FHIP1A: variants seen among roughly 807,000 people sequenced by gnomAD.
The protein encoded by FHIP1A is FHF complex subunit HOOK interacting protein 1A.
Under a neutral mutation model 88.6 loss-of-function variants are expected in FHIP1A, and 61 were observed. The observed-to-expected ratio is 0.69, with a 90% CI of 0.56 to 0.85. FHIP1A has a LOEUF of 0.85. Among genes scored for constraint, FHIP1A ranks in the 40% least tolerant of loss-of-function variants. The pLI, the probability that FHIP1A is intolerant of heterozygous loss-of-function variation, is 0.00. For synonymous variants in FHIP1A, 478 were observed against 496.0 expected, an observed-to-expected ratio of 0.96 and a Z score of 0.48; for missense variants, 1,154 against 1,273.5, an observed-to-expected ratio of 0.91 and a Z score of 1.43.
intron 3 of FHIP1A, among the ~76,000 whole-genome samples, chr4:151,495,860 T>G (rs1730443218): frequency 6.6e-6 from 1 of 152,150 alleles, no homozygotes; most frequent in African/African-American, 2.4e-5. Context: ...TGACCTCAGA[T>G]GATCCTCCCG....
At chr4:151,593,190 G>A (rs1227313638) in intron 7 of FHIP1A, among the ~76,000 whole-genome samples, 1 of 152,194 alleles carries the variant, frequency 6.6e-6, no homozygotes, top group East Asian at 1.9e-4. Context: ...TTGAAGTCAG[G>A]TAGTGTGATG....
At chr4:151,456,886 T>C (rs906943112) in intron 2 of FHIP1A, among the ~76,000 whole-genome samples, 4 of 152,114 alleles carry the variant, frequency 2.6e-5, no homozygotes, top group Non-Finnish European at 5.9e-5. Flanking sequence ...CCTTTTACTT[T>C]GCAGTTATTT....
At chr4:151,455,939 G>A (rs564773563) in intron 2 of FHIP1A, among the ~76,000 whole-genome samples, 1 of 152,282 alleles carries the variant, frequency 6.6e-6, no homozygotes, top group Admixed American at 6.5e-5. Context: ...GAAGCACTGA[G>A]CCCTAGAGAA....
At chr4:151,562,371 C>T (rs1175240259) in intron 3 of FHIP1A, among the ~76,000 whole-genome samples, 1 of 152,116 alleles carries the variant, frequency 6.6e-6, no homozygotes, top group Non-Finnish European at 1.5e-5. Flanking sequence ...CTTGGCTTTG[C>T]CTCCCTTTTA....
intron 2 of FHIP1A, among the ~76,000 whole-genome samples, chr4:151,470,271 TTATGTC>T (rs1219465532): frequency 6.6e-6 from 1 of 152,216 alleles, no homozygotes; most frequent in Non-Finnish European, 1.5e-5. Context: ...TGCAAATGTG[TTATGTC>T]TATGATTTAG....
chr4:151,467,206 C>T (rs963931856), intron 2 of FHIP1A, among the ~76,000 whole-genome samples: 3 of 151,958 alleles, frequency 2.0e-5, no homozygotes, highest in South Asian at 2.1e-4. Context: ...TTTATGTGGC[C>T]GAGAAGCATA....
chr4:151,553,599 C>G (rs1416315227), intron 3 of FHIP1A, among the ~76,000 whole-genome samples: 2 of 152,112 alleles, frequency 1.3e-5, no homozygotes, highest in Non-Finnish European at 2.9e-5. Context: ...ATTTGTATAG[C>G]TAGACTTGAC....
chr4:151,423,774 A>G (rs1027181013), intron 1 of FHIP1A, among the ~76,000 whole-genome samples: 1 of 152,208 alleles, frequency 6.6e-6, no homozygotes, highest in Non-Finnish European at 1.5e-5. Context: ...AAAGCCACAA[A>G]AGGTAGTGAC....
chr4:151,648,970 C>T (rs889455288), intron 10 of FHIP1A, among the ~76,000 whole-genome samples: 1 of 152,012 alleles, frequency 6.6e-6, no homozygotes, highest in Non-Finnish European at 1.5e-5. Context: ...CTGATAGTCC[C>T]CAGGAAGACA....
chr4:151,619,153 G>A (rs2126860720), intron 7 of FHIP1A, among the ~76,000 whole-genome samples: 1 of 152,332 alleles, frequency 6.6e-6, no homozygotes, highest in South Asian at 2.1e-4. Flanking sequence ...CTTGCTTTAT[G>A]TTGTAGACTT....
chr4:151,578,155 C>A, intron 5 of FHIP1A, 79 bp downstream of exon 5: 1 of 1,296,770 alleles, frequency 7.7e-7, no homozygotes. Flanking sequence ...CTTTCTTACT[C>A]CCTTTTTTTC....
At chr4:151,645,391 G>A (rs1578856639) in intron 9 of FHIP1A, among the ~76,000 whole-genome samples, 1 of 152,136 alleles carries the variant, frequency 6.6e-6, no homozygotes, top group South Asian at 2.1e-4. Flanking sequence ...GGCTCTTGCA[G>A]TGGATCAGTT....
chr4:151,640,609 G>A (rs1736551814), intron 9 of FHIP1A, among the ~76,000 whole-genome samples: 3 of 152,180 alleles, frequency 2.0e-5, no homozygotes, highest in African/African-American at 7.2e-5. Context: ...AGTGGGTAAA[G>A]CCTGATGGTA....
chr4:151,506,233 G>A (rs192382643), intron 3 of FHIP1A, among the ~76,000 whole-genome samples: 17 of 152,244 alleles, frequency 1.1e-4, no homozygotes, highest in East Asian at 9.7e-4. Flanking sequence ...AATTGACCTC[G>A]GTGGTGAGTA....
chr4:151,522,195 C>G (rs1186812792), intron 3 of FHIP1A, among the ~76,000 whole-genome samples: 1 of 152,202 alleles, frequency 6.6e-6, no homozygotes, highest in African/African-American at 2.4e-5. Context: ...TTTATTTGCC[C>G]TTCCTTCTAG....
At chr4:151,454,565 C>T (rs536424576) in intron 1 of FHIP1A, 136 bp from the exon 2 acceptor site, 2 of 152,150 alleles carry the variant, frequency 1.3e-5, no homozygotes, top group South Asian at 4.1e-4. Context: ...CCTAAAACTT[C>T]CAGTCCAATG....
intron 1 of FHIP1A, among the ~76,000 whole-genome samples, chr4:151,453,412 CA>C (rs1194092262): frequency 2.0e-5 from 3 of 152,122 alleles, no homozygotes; most frequent in Non-Finnish European, 4.4e-5. Context: ...CAATCTTGGA[CA>C]AGTCATTTAA....
At position 151,650,736 on chromosome 4, in the gene FHIP1A, G is replaced by A. The variant is rs1737000627; in HGVS notation, c.2551+144G>A. ...AAATATTTTTGTAAAGATCAAAGAG[G>A]GGTGGCTTTATTTTTATTTTTCCAT... On this transcript the variant is annotated intron_variant, in intron 11 of 13. Transcript: ENST00000435205. The A allele has an allele frequency of 5.6e-6, 6 of 1,074,402 alleles. No homozygotes were observed. In the African/African-American group the frequency reaches 8.0e-5, roughly 14 times the overall value. The allele number at this position is 1,074,402 out of a possible 1,614,324, so 66.6% of individuals were successfully genotyped here.
At chr4:151,526,269 T>C (rs1731631275) in intron 3 of FHIP1A, among the ~76,000 whole-genome samples, 1 of 152,162 alleles carries the variant, frequency 6.6e-6, no homozygotes, top group African/African-American at 2.4e-5. Flanking sequence ...AATGAGCTGT[T>C]GGGTACACCT....
Sources: allele counts gnomAD v4.1 joint callset (sites outside exome capture counted in the v4.1 genomes callset), GRCh38; gene constraint gnomAD v4.1.1; transcripts MANE v1.5; gene names NCBI Gene and HGNC (gene_info 2026-07-23, HGNC 2026-07-21).